RABGAP1L: variants seen among roughly 807,000 people sequenced by gnomAD.
RABGAP1L encodes rab GTPase-activating protein 1-like.
RABGAP1L carries 63 observed loss-of-function variants against 137.7 expected under a neutral mutation model. That is an observed-to-expected ratio of 0.46 (90% CI 0.37 to 0.56). The LOEUF is 0.56. RABGAP1L is among the 20% of genes least tolerant of loss of function. RABGAP1L has a pLI of 0.00. For synonymous variants in RABGAP1L, 431 were observed against 433.7 expected (o/e 0.99, Z 0.08); for missense variants, 1,095 against 1,244.0 (o/e 0.88, Z 1.80).
At chr1:174,958,212 A>G in intron 20 of RABGAP1L, 1 of 1,314,700 alleles carries the variant, frequency 7.6e-7, no homozygotes, top group Non-Finnish European at 1.0e-6. Context: ...TGCAACATTT[A>G]TTTCCACAAA....
chr1:174,475,478 T>A (rs113536901), intron 13 of RABGAP1L, among the ~76,000 whole-genome samples: 17 of 152,280 alleles, frequency 1.1e-4, no homozygotes, highest in South Asian at 6.2e-4. Flanking sequence ...ACAATATTTT[T>A]AAAAATATTT....
intron 1 of RABGAP1L, among the ~76,000 whole-genome samples, chr1:174,200,698 T>C (rs1668033889): frequency 6.6e-6 from 1 of 152,260 alleles, no homozygotes; most frequent in Admixed American, 6.5e-5. Context: ...ATTGAGATCA[T>C]GTTTGTTTCC....
intron 14 of RABGAP1L, among the ~76,000 whole-genome samples, chr1:174,661,919 A>G (rs2148421380): frequency 6.6e-6 from 1 of 152,328 alleles, no homozygotes; most frequent in South Asian, 2.1e-4. Flanking sequence ...TATAGCATAT[A>G]CAATTATGTA....
At chr1:174,773,874 A>G (rs1686315188) in intron 18 of RABGAP1L, among the ~76,000 whole-genome samples, 1 of 152,222 alleles carries the variant, frequency 6.6e-6, no homozygotes, top group Non-Finnish European at 1.5e-5. Flanking sequence ...ATGTGAGCTG[A>G]TCATAAGGAG....
intron 24 of RABGAP1L, among the ~76,000 whole-genome samples, chr1:174,986,613 T>C (rs115851923): frequency 1.3e-5 from 2 of 152,236 alleles, no homozygotes; most frequent in African/African-American, 2.4e-5. Flanking sequence ...CGAGGCTCGG[T>C]AGAGTAAATG....
At chr1:174,619,418 C>A (rs1672230682) in intron 13 of RABGAP1L, among the ~76,000 whole-genome samples, 1 of 152,126 alleles carries the variant, frequency 6.6e-6, no homozygotes, top group African/African-American at 2.4e-5. Flanking sequence ...AAAGGGAAGC[C>A]CATCAGACTA....
intron 14 of RABGAP1L, among the ~76,000 whole-genome samples, chr1:174,678,559 A>G (rs1677815083): frequency 6.6e-6 from 1 of 152,208 alleles, no homozygotes; most frequent in African/African-American, 2.4e-5. Flanking sequence ...GCATTTGAAA[A>G]TCGATATATT....
chr1:174,548,677 A>G (rs1666212328), intron 13 of RABGAP1L: 1 of 633,114 alleles, frequency 1.6e-6, no homozygotes, highest in Non-Finnish European at 2.0e-6. Context: ...TTGCTTAATT[A>G]TTCATTTTGG....
At chr1:174,214,567 C>A (rs1669140258) in intron 1 of RABGAP1L, among the ~76,000 whole-genome samples, 1 of 152,278 alleles carries the variant, frequency 6.6e-6, no homozygotes, top group Admixed American at 6.5e-5. Flanking sequence ...GCAGCAATCA[C>A]ATTATTTGCT....
At chr1:174,597,659 C>T (rs1039313011) in intron 13 of RABGAP1L, among the ~76,000 whole-genome samples, 7 of 151,634 alleles carry the variant, frequency 4.6e-5, no homozygotes, top group Admixed American at 1.3e-4. Flanking sequence ...TCGAACTTTT[C>T]GAAAAATTTT....
At chr1:174,240,342 G>A (rs1001076564) in intron 4 of RABGAP1L, among the ~76,000 whole-genome samples, 1 of 152,202 alleles carries the variant, frequency 6.6e-6, no homozygotes, top group East Asian at 1.9e-4. Flanking sequence ...TGCCTCCTGG[G>A]TTCAAGCGAT....
intron 24 of RABGAP1L, 83 bp downstream of exon 24, chr1:174,982,988 C>A: frequency 7.4e-7 from 1 of 1,350,468 alleles, no homozygotes; most frequent in Non-Finnish European, 1.0e-6. Context: ...CCAAACACCA[C>A]CATTTTGTAT....
At chr1:174,702,352 T>A in intron 17 of RABGAP1L, 96 bp downstream of exon 17, 1 of 1,132,574 alleles carries the variant, frequency 8.8e-7, no homozygotes, top group Non-Finnish European at 1.2e-6. Context: ...CCTGTGACAT[T>A]AAGCCATAAA....
intron 13 of RABGAP1L, among the ~76,000 whole-genome samples, chr1:174,499,017 G>A (rs553105844): frequency 1.2e-4 from 18 of 152,026 alleles, no homozygotes; most frequent in Admixed American, 3.9e-4. Flanking sequence ...TTATTAGTAA[G>A]TTGTAATTAT....
At chr1:174,445,128 TGTTA>T (rs1409679887) in intron 13 of RABGAP1L, among the ~76,000 whole-genome samples, 1 of 152,118 alleles carries the variant, frequency 6.6e-6, no homozygotes, top group East Asian at 1.9e-4. Flanking sequence ...ACTCAACAAA[TGTTA>T]GTTATCTTCC....
At chr1:174,258,377 T>C (rs926763441) in intron 7 of RABGAP1L, among the ~76,000 whole-genome samples, 6 of 152,190 alleles carry the variant, frequency 3.9e-5, no homozygotes, top group African/African-American at 1.4e-4. Context: ...TTTCATTGCC[T>C]AGGCTCAAGC....
chr1:174,566,277 G>A lies in RABGAP1L; in HGVS notation c.1711-71098G>A, dbSNP rs180870505. Among the ~76,000 whole-genome samples, 298 of 152,206 alleles carry A rather than the reference G, an allele frequency of 2.0e-3. 1 individual carries two copies. The highest frequency in any genetic ancestry group is 6.8e-3 in the African/African-American group (282 of 41,520). On this transcript the variant is annotated intron_variant, in intron 13 of 25. Transcript: ENST00000681986. Reference sequence around the variant, plus strand: ...GGAGACGGAGAAAGATCTGGCTGGAGAGCTGTAGTTTCACCTACAAAGAGT... The same window carrying A: ...GGAGACGGAGAAAGATCTGGCTGGAAAGCTGTAGTTTCACCTACAAAGAGT...
At chr1:174,933,427 G>T (rs1284156990) in intron 19 of RABGAP1L, among the ~76,000 whole-genome samples, 1 of 152,054 alleles carries the variant, frequency 6.6e-6, no homozygotes, top group East Asian at 1.9e-4. Context: ...GCTTGGGCCA[G>T]GTCTCCCCAA....
chr1:174,360,649 G>A (rs1684060330), intron 11 of RABGAP1L, among the ~76,000 whole-genome samples: 1 of 152,032 alleles, frequency 6.6e-6, no homozygotes, highest in Non-Finnish European at 1.5e-5. Flanking sequence ...GCATTATACT[G>A]TAATTTACAG....
Sources: allele counts gnomAD v4.1 joint callset (sites outside exome capture counted in the v4.1 genomes callset), GRCh38; gene constraint gnomAD v4.1.1; transcripts MANE v1.5; gene names NCBI Gene and HGNC (gene_info 2026-07-23, HGNC 2026-07-21).